Variants in TRABD2B observed in about 807,000 individuals in gnomAD.
TRABD2B encodes the protein TraB domain containing 2B.
TRABD2B carries 14 observed loss-of-function variants against 40.1 expected under a neutral mutation model. That is an observed-to-expected ratio of 0.35 (90% CI 0.23 to 0.55). The LOEUF (loss-of-function observed/expected upper bound fraction) is 0.55. Among genes scored for constraint, TRABD2B ranks in the 20% least tolerant of loss-of-function variants. The probability of loss-of-function intolerance (pLI) is 0.90; values close to 1 mark genes in which losing one functional copy is unlikely to be tolerated. For missense variants in TRABD2B, 541 were observed against 648.6 expected, an observed-to-expected ratio of 0.83 and a Z score of 1.80; for synonymous variants, 263 against 277.0, an observed-to-expected ratio of 0.95 and a Z score of 0.50.
chr1:47,841,401 A>G (rs945339151), intron 2 of TRABD2B, among the ~76,000 whole-genome samples: 1 of 152,236 alleles, frequency 6.6e-6, no homozygotes, highest in Non-Finnish European at 1.5e-5. Flanking sequence ...ACCTGTTCCT[A>G]TATCTGCAGG....
intron 2 of TRABD2B, among the ~76,000 whole-genome samples, chr1:47,860,754 A>G (rs1643955280): frequency 6.6e-6 from 1 of 152,196 alleles, no homozygotes; most frequent in Admixed American, 6.5e-5. Context: ...GCCATTCTAC[A>G]GTAATGAGTT....
At chr1:47,859,235 T>G (rs548059602) in intron 2 of TRABD2B, among the ~76,000 whole-genome samples, 1 of 152,270 alleles carries the variant, frequency 6.6e-6, no homozygotes, top group East Asian at 1.9e-4. Flanking sequence ...TTTCCTGCCC[T>G]CTCTAACCCA....
intron 2 of TRABD2B, among the ~76,000 whole-genome samples, chr1:47,906,971 A>G (rs1436534852): frequency 6.6e-6 from 1 of 152,166 alleles, no homozygotes; most frequent in African/African-American, 2.4e-5. Context: ...CCTTCCCCGG[A>G]CAGTGATGGC....
At chr1:47,937,447 T>A in intron 2 of TRABD2B, among the ~76,000 whole-genome samples, 1 of 151,746 alleles carries the variant, frequency 6.6e-6, no homozygotes, top group African/African-American at 2.4e-5. Context: ...ATCACTACTA[T>A]CATCACCATC....
At chr1:47,874,571 CTTT>C in intron 2 of TRABD2B, among the ~76,000 whole-genome samples, 1 of 137,284 alleles carries the variant, frequency 7.3e-6, no homozygotes, top group Admixed American at 7.3e-5. Flanking sequence ...CGCGCCCGGC[CTTT>C]TTTTTTTTTT....
At chr1:47,766,843 AC>A (rs1208077416) in intron 6 of TRABD2B, among the ~76,000 whole-genome samples, 2 of 152,178 alleles carry the variant, frequency 1.3e-5, no homozygotes, top group African/African-American at 4.8e-5. Context: ...TCACGAATTT[AC>A]AAAAACAGAA....
At chr1:47,922,801 G>A (rs1280265369) in intron 2 of TRABD2B, among the ~76,000 whole-genome samples, 1 of 152,002 alleles carries the variant, frequency 6.6e-6, no homozygotes, top group Non-Finnish European at 1.5e-5. Flanking sequence ...CATCTACTCC[G>A]ACCTCCCTCT....
chr1:47,803,049 G>A (rs1644843671), intron 2 of TRABD2B, among the ~76,000 whole-genome samples: 1 of 151,632 alleles, frequency 6.6e-6, no homozygotes. Flanking sequence ...TTGTGCCTCT[G>A]TAAATGCTGT....
intron 2 of TRABD2B, among the ~76,000 whole-genome samples, chr1:47,978,211 A>G (rs1645786984): frequency 6.6e-6 from 1 of 152,156 alleles, no homozygotes; most frequent in East Asian, 1.9e-4. Flanking sequence ...CCCTTCTGCC[A>G]TGTAAATACA....
chr1:47,814,537 G>A (rs1645004764), intron 2 of TRABD2B, among the ~76,000 whole-genome samples: 2 of 152,222 alleles, frequency 1.3e-5, no homozygotes, highest in Non-Finnish European at 2.9e-5. Context: ...TGGCTTGCAT[G>A]TTTTAGAACT....
chr1:47,801,270 T>C (rs1321095555), intron 3 of TRABD2B, among the ~76,000 whole-genome samples: 1 of 152,180 alleles, frequency 6.6e-6, no homozygotes, highest in Non-Finnish European at 1.5e-5. Flanking sequence ...TTGCTGCTCT[T>C]GGTAACTTAA....
chr1:47,992,898 G>A (rs561633783), intron 2 of TRABD2B, among the ~76,000 whole-genome samples: 7 of 152,280 alleles, frequency 4.6e-5, no homozygotes, highest in Non-Finnish European at 7.4e-5. Context: ...TCATTTGGCC[G>A]GCAAATCAAT....
At chr1:47,817,823 G>A (rs959645338) in intron 2 of TRABD2B, among the ~76,000 whole-genome samples, 1 of 152,188 alleles carries the variant, frequency 6.6e-6, no homozygotes, top group Admixed American at 6.5e-5. Context: ...GTCCAGAGCC[G>A]CTCTCAGGGG....
Position 47,914,235 on chromosome 1 carries a change from G to T in TRABD2B, c.666+79799C>A, listed in dbSNP as rs75590452. Reference sequence around the variant, plus strand: ...AATACCTTCCTTTGCAGTTGCCTTGGTAAAATGACCCCTGGTTGAGAACTA... The same window carrying T: ...AATACCTTCCTTTGCAGTTGCCTTGTTAAAATGACCCCTGGTTGAGAACTA... On this transcript the variant is annotated intron_variant, in intron 2 of 6. Coordinates refer to ENST00000606738, the MANE Select transcript of TRABD2B (RefSeq NM_001194986.2). Among the ~76,000 whole-genome samples the T allele has an allele frequency of 9.5e-3, 1,450 of 152,360 alleles. 25 individuals are homozygous for T. The highest frequency in any genetic ancestry group is 0.032 in the African/African-American group (1,321 of 41,578).
intron 2 of TRABD2B, among the ~76,000 whole-genome samples, chr1:47,822,071 G>A (rs1449232742): frequency 2.6e-5 from 4 of 151,930 alleles, no homozygotes; most frequent in Non-Finnish European, 5.9e-5. Context: ...ACACACCACT[G>A]ACATCTTACA....
chr1:47,935,522 C>T (rs953414312), intron 2 of TRABD2B, among the ~76,000 whole-genome samples: 6 of 152,142 alleles, frequency 3.9e-5, no homozygotes, highest in Admixed American at 3.3e-4. Context: ...AAAGAAAGTC[C>T]TAGTGCACTA....
At chr1:47,797,837 A>C (rs950768120) in intron 3 of TRABD2B, among the ~76,000 whole-genome samples, 1 of 152,142 alleles carries the variant, frequency 6.6e-6, no homozygotes, top group African/African-American at 2.4e-5. Context: ...TAAAGAGGAC[A>C]TGTGAGGTCT....
At chr1:47,924,147 G>T (rs552723911) in intron 2 of TRABD2B, among the ~76,000 whole-genome samples, 2 of 152,256 alleles carry the variant, frequency 1.3e-5, no homozygotes, top group South Asian at 4.1e-4. Flanking sequence ...GGAATACGTG[G>T]GTGGCCTCCC....
chr1:47,829,065 T>G (rs534282573), intron 2 of TRABD2B, among the ~76,000 whole-genome samples: 1 of 152,306 alleles, frequency 6.6e-6, no homozygotes, highest in Non-Finnish European at 1.5e-5. Context: ...TCATTACTGC[T>G]GAGGAAACTG....
Sources: allele counts gnomAD v4.1 joint callset (sites outside exome capture counted in the v4.1 genomes callset), GRCh38; gene constraint gnomAD v4.1.1; transcripts MANE v1.5; gene names NCBI Gene and HGNC (gene_info 2026-07-23, HGNC 2026-07-21).